GADL1: variants seen among roughly 807,000 people sequenced by gnomAD.
GADL1 encodes the protein GAD like acidic amino acid decarboxylase 1, also known as acidic amino acid decarboxylase GADL1.
In GADL1, 71 loss-of-function variants were observed where a neutral mutation model predicts 69.5. The ratio of observed to expected loss-of-function variants is 1.02; its 90% CI spans 0.84 to 1.25. GADL1 has a LOEUF of 1.25. Among genes scored for constraint, GADL1 ranks in the 50% most tolerant of loss-of-function variants. GADL1 has a pLI of 0.00. For synonymous variants in GADL1, 254 were observed against 214.4 expected (o/e 1.18, Z -1.62); for missense variants, 737 against 631.8 (o/e 1.17, Z -1.79).
At position 30,727,660 on chromosome 3, in the gene GADL1, G is replaced by A. The variant is rs1575175160; in HGVS notation, c.*582C>T. 1 of 152,010 alleles carries A rather than the reference G, an allele frequency of 6.6e-6. No homozygotes were observed. Among genetic ancestry groups the A allele is most frequent in the Non-Finnish European group, 1.5e-5 (1 of 67,996 alleles). 9.4% of individuals were successfully genotyped at this position (152,010 alleles called of 1,614,324 possible). A position where few individuals can be genotyped will look rare whatever the true frequency, so the allele number is the denominator to read the frequency against. On this transcript the variant is annotated 3_prime_UTR_variant, in exon 15 of 15. Coordinates refer to ENST00000282538, the MANE Select transcript of GADL1 (RefSeq NM_207359.3). The stretch of plus-strand genomic sequence containing the variant: ...CTTCTGAAATATTAGATATCCCTTT[G>A]CTGGCAAAACATCAGAGTGGGTATT...
intron 13 of GADL1, among the ~76,000 whole-genome samples, chr3:30,783,564 C>T (rs1270074349): frequency 1.3e-5 from 2 of 152,144 alleles, no homozygotes; most frequent in Admixed American, 6.6e-5. Context: ...CATATATAGA[C>T]ATACAAATGC....
chr3:30,878,394 G>T (rs186239280), intron 1 of GADL1, among the ~76,000 whole-genome samples: 7 of 152,028 alleles, frequency 4.6e-5, no homozygotes, highest in Admixed American at 3.3e-4. Flanking sequence ...TGGAGAACAT[G>T]AGCAAGTAGT....
intron 9 of GADL1, among the ~76,000 whole-genome samples, chr3:30,836,325 C>T (rs1000689820): frequency 4.0e-5 from 6 of 151,526 alleles, no homozygotes; most frequent in African/African-American, 1.5e-4. Context: ...GGAACCCTTC[C>T]AAGGCATTAG....
At chr3:30,758,507 AC>A (rs1221979615) in intron 14 of GADL1, among the ~76,000 whole-genome samples, 1 of 151,650 alleles carries the variant, frequency 6.6e-6, no homozygotes, top group African/African-American at 2.4e-5. Flanking sequence ...TGACAAAAAA[AC>A]ATGAGATGGT....
At chr3:30,799,647 C>CA (rs377562095) in intron 12 of GADL1, 23 of 152,204 alleles carry the variant, frequency 1.5e-4, no homozygotes, top group African/African-American at 5.3e-4. Flanking sequence ...AATTTCTCCT[C>CA]AAAAAATGGG....
At chr3:30,767,867 A>C (rs968998031) in intron 14 of GADL1, among the ~76,000 whole-genome samples, 1 of 152,200 alleles carries the variant, frequency 6.6e-6, no homozygotes, top group African/African-American at 2.4e-5. Context: ...ACCCTTATTC[A>C]AATTTATAAG....
At chr3:30,802,622 T>C (rs1697185408) in intron 11 of GADL1, among the ~76,000 whole-genome samples, 1 of 152,234 alleles carries the variant, frequency 6.6e-6, no homozygotes. Flanking sequence ...AGATATCACA[T>C]TTCAAATGAA....
intron 11 of GADL1, 34 bp downstream of exon 11, chr3:30,833,819 T>C: frequency 4.6e-6 from 7 of 1,519,700 alleles, no homozygotes; most frequent in Non-Finnish European, 5.5e-6. Flanking sequence ...CTTAACCCCC[T>C]TGAAGCCCAA....
chr3:30,841,369 C>T (rs898882418), intron 8 of GADL1, among the ~76,000 whole-genome samples: 7 of 152,020 alleles, frequency 4.6e-5, no homozygotes, highest in African/African-American at 1.2e-4. Flanking sequence ...GTATTATGTC[C>T]GTTTCATGTA....
intron 9 of GADL1, among the ~76,000 whole-genome samples, chr3:30,836,480 A>G (rs952820542): frequency 6.6e-6 from 1 of 151,954 alleles, no homozygotes; most frequent in African/African-American, 2.4e-5. Context: ...CTGTGAAATT[A>G]TCAAACCTAT....
intron 13 of GADL1, among the ~76,000 whole-genome samples, chr3:30,780,725 G>A (rs537992598): frequency 6.6e-6 from 1 of 152,224 alleles, no homozygotes; most frequent in Non-Finnish European, 1.5e-5. Context: ...AAATGCAAAA[G>A]GTCTATCACT....
intron 1 of GADL1, among the ~76,000 whole-genome samples, chr3:30,863,507 A>T (rs2125537801): frequency 6.6e-6 from 1 of 152,114 alleles, no homozygotes; most frequent in Non-Finnish European, 1.5e-5. Flanking sequence ...CTGGCAACTC[A>T]ATCCAGATAT....
chr3:30,788,247 G>T (rs1006285925), intron 12 of GADL1, among the ~76,000 whole-genome samples: 1 of 152,084 alleles, frequency 6.6e-6, no homozygotes, highest in Non-Finnish European at 1.5e-5. Context: ...AACAATATAG[G>T]CATCCCTCGG....
chr3:30,887,789 A>C (rs182721479), intron 1 of GADL1, among the ~76,000 whole-genome samples: 1 of 152,330 alleles, frequency 6.6e-6, no homozygotes, highest in East Asian at 1.9e-4. Context: ...GAATCTATAC[A>C]TTAAAAAGAC....
chr3:30,800,854 AAGAGAG>A (rs10553550), intron 12 of GADL1, 29 bp downstream of exon 12: 55,334 of 1,102,116 alleles, frequency 0.05, 106 homozygotes, highest in South Asian at 0.1. Context: ...CACACACAGA[AAGAGAG>A]AGAGAGAGAG....
chr3:30,798,697 C>T (rs1454155089), intron 12 of GADL1: 1 of 152,134 alleles, frequency 6.6e-6, no homozygotes, highest in African/African-American at 2.4e-5. Context: ...AGCATTAACC[C>T]AAAAGTCCAC....
chr3:30,805,201 T>C (rs949816851), intron 11 of GADL1, among the ~76,000 whole-genome samples: 1 of 152,196 alleles, frequency 6.6e-6, no homozygotes, highest in Non-Finnish European at 1.5e-5. Flanking sequence ...TCAACTCCAT[T>C]GTACATTTTG....
intron 14 of GADL1, among the ~76,000 whole-genome samples, chr3:30,751,480 C>T (rs1044139023): frequency 2.0e-5 from 3 of 150,656 alleles, no homozygotes; most frequent in South Asian, 2.1e-4. Context: ...ATTCCGAGAA[C>T]CTGGGTAACT....
In GADL1 at chr3:30,767,932, A is replaced by ATTTTTTT. The variant is rs1160244007; in HGVS notation, c.1392+10246_1392+10247insAAAAAAA. On this transcript the variant is annotated intron_variant, in intron 14 of 14. Coordinates refer to ENST00000282538, the MANE Select transcript of GADL1 (RefSeq NM_207359.3). ...CTTAAAATATGAAAAAAATGAATACACTGACAATCAGTAAAGAGAAATTGT... is the reference window on the plus strand; with the variant it reads ...CTTAAAATATGAAAAAAATGAATACATTTTTTTCTGACAATCAGTAAAGAGAAATTGT... Among the ~76,000 whole-genome samples, 56 of 152,252 alleles carry ATTTTTTT rather than the reference A, an allele frequency of 3.7e-4. 1 individual carries two copies. Among genetic ancestry groups the ATTTTTTT allele is most frequent in the Admixed American group, 7.8e-4 (12 of 15,292 alleles).
Sources: allele counts gnomAD v4.1 joint callset (sites outside exome capture counted in the v4.1 genomes callset), GRCh38; gene constraint gnomAD v4.1.1; transcripts MANE v1.5; gene names NCBI Gene and HGNC (gene_info 2026-07-23, HGNC 2026-07-21).